The following CEP44 variants were observed in gnomAD, a reference collection of about 807,000 sequenced individuals.
CEP44 encodes centrosomal protein 44.
Under a neutral mutation model 46.7 loss-of-function variants are expected in CEP44, and 45 were observed. That is an observed-to-expected ratio of 0.96 (90% CI 0.76 to 1.24). The LOEUF (loss-of-function observed/expected upper bound fraction) is 1.24. Among genes scored for constraint, CEP44 ranks in the 50% most tolerant of loss-of-function variants. The pLI is 0.00. For synonymous variants in CEP44, 142 were observed against 146.0 expected (o/e 0.97, Z 0.20); for missense variants, 475 against 459.7 (o/e 1.03, Z -0.30).
intron 1 of CEP44, among the ~76,000 whole-genome samples, chr4:174,296,478 A>G (rs1277546057): frequency 6.6e-6 from 1 of 152,178 alleles, no homozygotes; most frequent in Non-Finnish European, 1.5e-5. Flanking sequence ...TTGTGTAACT[A>G]TAATTATCTC....
In CEP44 at chr4:174,292,148, T is replaced by A. The variant is rs141593957; in HGVS notation, c.-147-5818T>A. Reference sequence around the variant, plus strand: ...GGTAATTATTTTCAGTTGGCAGGTTTCTTTTTTTACTTTCAGTATGTTGAA... The same window carrying A: ...GGTAATTATTTTCAGTTGGCAGGTTACTTTTTTTACTTTCAGTATGTTGAA... On this transcript the variant is annotated intron_variant, in intron 1 of 11. Transcript: ENST00000503780. Among the ~76,000 whole-genome samples the A allele has an allele frequency of 2.3e-3, 343 of 152,286 alleles. 3 individuals carry two copies. Among genetic ancestry groups the A allele is most frequent in the East Asian group, 0.019 (100 of 5,184 alleles).
rs1287892628 is a variant in CEP44, at chr4:174,317,314, ATAT to A, written c.1125-16_1125-14del. 4.1e-6 allele frequency: 4 copies of A among 986,502 alleles called. No homozygotes were observed. The highest frequency in any genetic ancestry group is 1.7e-5 in the African/African-American group (1 of 59,646). The allele number at this position is 986,502 out of a possible 1,614,324, so 61.1% of individuals were successfully genotyped here. A position where few individuals can be genotyped will look rare whatever the true frequency, so the allele number is the denominator to read the frequency against. ...ATTATGAATTATTGATTTACTTAAT[ATAT>A]TATTTATTATATTTCAGGTTTGAAG... On this transcript the variant is annotated intron_variant, in intron 11 of 11. Coordinates refer to ENST00000503780, the MANE Select transcript of CEP44 (RefSeq NM_001040157.3).
chr4:174,331,507 C>G lies in CEP44; in HGVS notation c.1112C>G (p.Ser371Cys). The G allele has an allele frequency of 6.4e-7, 1 of 1,551,564 alleles. No individual in the cohort carries two copies. The stretch of plus-strand genomic sequence containing the variant: ...AATTTTCCTGCATGGAGTGCTACAT[C>G]CTCTTGTTCCAGTCTCAGCTGGCTG... Residue 371 changes from serine to cysteine, a missense_variant, in exon 9 of 9, where the codon TCC (serine) becomes TGC (cysteine). Transcript: ENST00000426172. The surrounding 1 kb of genome is among the most constrained non-coding windows in gnomAD (Gnocchi z 4.5).
downstream of CEP44, among the ~76,000 whole-genome samples, chr4:174,322,938 C>T (rs1263995955): frequency 6.6e-6 from 1 of 151,740 alleles, no homozygotes; most frequent in African/African-American, 2.4e-5. Flanking sequence ...TATTTTTGAG[C>T]CTAAATGTGA....
chr4:174,331,989 T>C lies in CEP44; in HGVS notation c.*394T>C. The stretch of plus-strand genomic sequence containing the variant: ...GGCTCTAGAAAATGCATAAGGTTAG[T>C]ACAAGATCAGTAGAGAGAAAGTCAA... On this transcript the variant is annotated 3_prime_UTR_variant, in exon 9 of 9. Transcript: ENST00000426172. This position sits in a 1 kb window ranked among gnomAD's most constrained non-coding sequence, Gnocchi z 4.5. 1.2e-5 allele frequency: 2 copies of C among 163,356 alleles called. No homozygotes were observed. 10.1% of individuals were successfully genotyped at this position (163,356 alleles called of 1,614,324 possible). A position where few individuals can be genotyped will look rare whatever the true frequency, so the allele number is the denominator to read the frequency against.
chr4:174,318,237 A>G lies in CEP44; in HGVS notation c.*854A>G, dbSNP rs999603742. On this transcript the variant is annotated 3_prime_UTR_variant, in exon 12 of 12. Transcript: ENST00000503780. The stretch of plus-strand genomic sequence containing the variant: ...CACCACCATGCCCAGCTAATTTTGT[A>G]TTTTTATTAGAGACAGGGTTTCTCC... 1.3e-6 allele frequency: 1 copy of G among 754,390 alleles called. No homozygotes were observed. Among genetic ancestry groups the G allele is most frequent in the African/African-American group, 1.9e-5 (1 of 52,430 alleles). The allele number at this position is 754,390 out of a possible 1,614,324, so 46.7% of individuals were successfully genotyped here.
chr4:174,325,056 G>T (rs1264362431), downstream of CEP44, among the ~76,000 whole-genome samples: 5 of 152,108 alleles, frequency 3.3e-5, no homozygotes, highest in Admixed American at 6.6e-5. This position sits in a 1 kb window ranked among gnomAD's most constrained non-coding sequence, Gnocchi z 4.4. Flanking sequence ...GTGAATGGGG[G>T]GTGATTAAAA....
At chr4:174,289,262 G>A (rs969856796) in intron 1 of CEP44, among the ~76,000 whole-genome samples, 3 of 150,104 alleles carry the variant, frequency 2.0e-5, no homozygotes, top group Non-Finnish European at 3.0e-5. Flanking sequence ...GGGTGATGCA[G>A]GCCTCAGAAT....
chr4:174,318,328 A>G lies in CEP44; in HGVS notation c.*945A>G. The G allele has an allele frequency of 1.0e-6, 1 of 985,288 alleles. No individual in the cohort carries two copies. Among genetic ancestry groups the G allele is most frequent in the Non-Finnish European group, 1.2e-6 (1 of 829,914 alleles). 61.0% of individuals were successfully genotyped at this position (985,288 alleles called of 1,614,324 possible). A position where few individuals can be genotyped will look rare whatever the true frequency, so the allele number is the denominator to read the frequency against. ...TCTGCCTGTCTTGGCCTCCGGCGTA[A>G]CACTTTTTAAGACCAGTGTAACAGA... On this transcript the variant is annotated 3_prime_UTR_variant, in exon 12 of 12. Transcript: ENST00000503780.
chr4:174,309,048 G>A lies in CEP44; in HGVS notation c.678+189G>A, dbSNP rs1284691294. Among the ~76,000 whole-genome samples, 1 of 152,110 alleles carries A rather than the reference G, an allele frequency of 6.6e-6. No individual in the cohort carries two copies. The highest frequency in any genetic ancestry group is 6.6e-5 in the Admixed American group (1 of 15,262). Reference sequence around the variant, plus strand: ...AATTCAACAAATATTTGCTGCATATGTGTAGGGTGCTGGGCTAAGTGTTGG... The same window carrying A: ...AATTCAACAAATATTTGCTGCATATATGTAGGGTGCTGGGCTAAGTGTTGG... On this transcript the variant is annotated intron_variant, in intron 7 of 11. Transcript: ENST00000503780. This position sits in a 1 kb window ranked among gnomAD's most constrained non-coding sequence, Gnocchi z 5.3.
downstream of CEP44, among the ~76,000 whole-genome samples, chr4:174,324,203 G>A (rs1369580863): frequency 6.6e-6 from 1 of 152,076 alleles, no homozygotes; most frequent in Non-Finnish European, 1.5e-5. Flanking sequence ...TAATGCTTCT[G>A]AGATTCATCC....
Position 174,297,486 on chromosome 4 carries a change from C to CAAGACCT in CEP44, c.-147-479_-147-473dup, listed in dbSNP as rs992608580. ...GTGAGTTTGCTGCAGGTTTATTGGG[C>CAAGACCT]AAGACCTGCCCTTTTCAATGGGGAT... On this transcript the variant is annotated intron_variant, in intron 1 of 11. Coordinates refer to ENST00000503780, the MANE Select transcript of CEP44 (RefSeq NM_001040157.3). This position sits in a 1 kb window ranked among gnomAD's most constrained non-coding sequence, Gnocchi z 4.3. 2.6e-5 allele frequency among the ~76,000 whole-genome samples: 4 copies of CAAGACCT among 152,142 alleles called. No individual in the cohort carries two copies. The highest frequency in any genetic ancestry group is 2.6e-4 in the Admixed American group (4 of 15,274).
At chr4:174,289,836 C>A (rs1403524601) in intron 1 of CEP44, among the ~76,000 whole-genome samples, 1 of 150,216 alleles carries the variant, frequency 6.7e-6, no homozygotes, top group African/African-American at 2.4e-5. Flanking sequence ...TTTATTGAGA[C>A]CTTTTTTTTT....
intron 6 of CEP44, among the ~76,000 whole-genome samples, chr4:174,305,824 T>C (rs1294053568): frequency 6.6e-6 from 1 of 152,238 alleles, no homozygotes; most frequent in African/African-American, 2.4e-5. Flanking sequence ...ATTGATATAA[T>C]GTGCTTTTCA....
intron 1 of CEP44, among the ~76,000 whole-genome samples, chr4:174,295,880 T>A (rs969894998): frequency 3.3e-5 from 5 of 152,214 alleles, no homozygotes; most frequent in African/African-American, 1.2e-4. Flanking sequence ...CTATTCCTAG[T>A]TTGCTGAGAG....
At chr4:174,294,379 G>A (rs1738600692) in intron 1 of CEP44, among the ~76,000 whole-genome samples, 1 of 152,086 alleles carries the variant, frequency 6.6e-6, no homozygotes, top group Non-Finnish European at 1.5e-5. Flanking sequence ...CCGATCAACA[G>A]GATCCCAAGG....
rs903330247 is a variant in CEP44 at position 174,312,037 on chromosome 4, T to C, written c.961+1179T>C. On this transcript the variant is annotated intron_variant, in intron 9 of 11. Coordinates refer to ENST00000503780, the MANE Select transcript of CEP44 (RefSeq NM_001040157.3). The surrounding 1 kb of genome is among the most constrained non-coding windows in gnomAD (Gnocchi z 4.5). ...GTATAAGATCCTTGAGAGCAAAAACTTTATCTTATGGTCTGCCTGTCTAGC... is the reference window on the plus strand; with the variant it reads ...GTATAAGATCCTTGAGAGCAAAAACCTTATCTTATGGTCTGCCTGTCTAGC... Among the ~76,000 whole-genome samples, 2 of 152,164 alleles carry C rather than the reference T, an allele frequency of 1.3e-5. No individual in the cohort carries two copies. The highest frequency in any genetic ancestry group is 2.9e-5 in the Non-Finnish European group (2 of 68,016).
chr4:174,304,410 A>G (rs1167496923), intron 6 of CEP44, 41 bp downstream of exon 6: 1 of 1,589,514 alleles, frequency 6.3e-7, no homozygotes, highest in Admixed American at 1.9e-5. Flanking sequence ...TTTAAGAGTT[A>G]TCTAATTAAT....
chr4:174,330,438 G>A (rs774017398), intron 8 of CEP44, among the ~76,000 whole-genome samples: 28 of 150,416 alleles, frequency 1.9e-4, no homozygotes, highest in Admixed American at 4.6e-4. Flanking sequence ...GCAGTGAGCC[G>A]AGGTCATACC....
Sources: allele counts gnomAD v4.1 joint callset (sites outside exome capture counted in the v4.1 genomes callset), GRCh38; gene constraint gnomAD v4.1.1; non-coding constraint Gnocchi (gnomAD v3.1); transcripts MANE v1.5; gene names NCBI Gene and HGNC (gene_info 2026-07-23, HGNC 2026-07-21).